The following SGCZ variants were observed in gnomAD, a reference collection of about 807,000 sequenced individuals.
SGCZ encodes sarcoglycan zeta, also known as zeta-sarcoglycan.
Under a neutral mutation model 41.3 loss-of-function variants are expected in SGCZ, and 40 were observed. The ratio of observed to expected loss-of-function variants is 0.97; its 90% CI spans 0.75 to 1.26. SGCZ has a LOEUF of 1.26. SGCZ is among the 50% of genes most tolerant of loss of function. SGCZ has a pLI of 0.00. For missense variants in SGCZ, 552 were observed against 369.8 expected, an observed-to-expected ratio of 1.49 and a Z score of -4.04; for synonymous variants, 206 against 137.5, an observed-to-expected ratio of 1.50 and a Z score of -3.49.
chr8:14,102,110 T>TTG (rs1802048559), intron 7 of SGCZ, among the ~76,000 whole-genome samples: 1 of 145,882 alleles, frequency 6.9e-6, no homozygotes, highest in African/African-American at 2.6e-5. Context: ...ATATAATTTT[T>TTG]TTTTTTTTTA....
intron 3 of SGCZ, among the ~76,000 whole-genome samples, chr8:14,283,071 G>C (rs1050993614): frequency 2.0e-5 from 3 of 151,470 alleles, no homozygotes; most frequent in Non-Finnish European, 4.4e-5. Flanking sequence ...GGATGCTCTC[G>C]ATCTCCTGAC....
chr8:14,431,908 G>A (rs188911189), intron 2 of SGCZ, among the ~76,000 whole-genome samples: 13 of 152,022 alleles, frequency 8.6e-5, no homozygotes, highest in Non-Finnish European at 1.6e-4. Context: ...TACACCAATG[G>A]CCAACAAACA....
chr8:14,912,760 G>T (rs907261493), intron 1 of SGCZ, among the ~76,000 whole-genome samples: 1 of 152,080 alleles, frequency 6.6e-6, no homozygotes, highest in African/African-American at 2.4e-5. Flanking sequence ...CCAGAATGCA[G>T]AAGCTTCCAG....
At chr8:14,921,934 A>T (rs1457101709) in intron 1 of SGCZ, among the ~76,000 whole-genome samples, 1 of 152,190 alleles carries the variant, frequency 6.6e-6, no homozygotes, top group Non-Finnish European at 1.5e-5. Flanking sequence ...ACAGTAATCT[A>T]TGAAAACGTG....
chr8:14,494,486 A>C (rs1226402561), intron 2 of SGCZ, among the ~76,000 whole-genome samples: 3 of 152,144 alleles, frequency 2.0e-5, no homozygotes, highest in East Asian at 3.9e-4. Context: ...TAATAAAGTT[A>C]AAGTTGATAA....
intron 1 of SGCZ, among the ~76,000 whole-genome samples, chr8:14,576,839 G>C (rs752456827): frequency 6.6e-6 from 1 of 152,064 alleles, no homozygotes; most frequent in Non-Finnish European, 1.5e-5. Context: ...CCTACTTTTG[G>C]GTTTATAAGA....
intron 1 of SGCZ, among the ~76,000 whole-genome samples, chr8:15,220,539 T>C (rs904323645): frequency 6.6e-6 from 1 of 152,052 alleles, no homozygotes; most frequent in African/African-American, 2.4e-5. Context: ...CGATTTAGAC[T>C]CAACTAGAGT....
intron 1 of SGCZ, among the ~76,000 whole-genome samples, chr8:15,103,181 A>AG (rs1424761930): frequency 6.6e-6 from 1 of 152,114 alleles, no homozygotes; most frequent in Non-Finnish European, 1.5e-5. Context: ...CAGATGCATC[A>AG]GCTGAGGTCA....
chr8:14,792,512 A>T (rs1282941254), intron 1 of SGCZ, among the ~76,000 whole-genome samples: 1 of 152,056 alleles, frequency 6.6e-6, no homozygotes, highest in African/African-American at 2.4e-5. Context: ...AAAATCCAAT[A>T]ATCACTTGTG....
At chr8:14,650,134 T>C (rs1807350659) in intron 1 of SGCZ, among the ~76,000 whole-genome samples, 1 of 152,066 alleles carries the variant, frequency 6.6e-6, no homozygotes, top group Non-Finnish European at 1.5e-5. Flanking sequence ...ACCAGCCATG[T>C]GACTGTTTTT....
intron 3 of SGCZ, among the ~76,000 whole-genome samples, chr8:14,303,735 G>T (rs1454143698): frequency 6.6e-6 from 1 of 151,790 alleles, no homozygotes; most frequent in Admixed American, 6.6e-5. Flanking sequence ...TATATATATA[G>T]ATATCAAAAT....
intron 1 of SGCZ, among the ~76,000 whole-genome samples, chr8:14,624,771 A>G (rs1806399282): frequency 6.6e-6 from 1 of 151,528 alleles, no homozygotes; most frequent in African/African-American, 2.4e-5. Context: ...GGGTTTCACC[A>G]TGTTGGCCAG....
At chr8:14,436,619 C>G (rs928161116) in intron 2 of SGCZ, among the ~76,000 whole-genome samples, 11 of 152,186 alleles carry the variant, frequency 7.2e-5, no homozygotes, top group African/African-American at 2.7e-4. Context: ...GTCCTAGTAG[C>G]CATTACATTC....
At chr8:14,161,741 A>G (rs1804051474) in intron 5 of SGCZ, among the ~76,000 whole-genome samples, 1 of 152,198 alleles carries the variant, frequency 6.6e-6, no homozygotes, top group Non-Finnish European at 1.5e-5. Context: ...ATTGGAAAAT[A>G]TAGATCAATC....
intron 2 of SGCZ, among the ~76,000 whole-genome samples, chr8:14,425,708 A>T (rs1446287742): frequency 6.6e-6 from 1 of 152,166 alleles, no homozygotes; most frequent in African/African-American, 2.4e-5. Flanking sequence ...ATTTAAACTT[A>T]CTTATACAAT....
chr8:15,090,421 G>C (rs1251647576), intron 1 of SGCZ, among the ~76,000 whole-genome samples: 1 of 152,134 alleles, frequency 6.6e-6, no homozygotes, highest in Non-Finnish European at 1.5e-5. Context: ...CAACACCCCT[G>C]GGTGTGGAAG....
At chr8:14,243,553 G>A (rs1395708056) in intron 3 of SGCZ, among the ~76,000 whole-genome samples, 2 of 152,192 alleles carry the variant, frequency 1.3e-5, no homozygotes, top group South Asian at 2.1e-4. Context: ...TTCATAACAT[G>A]TAAGGTTCTT....
At chr8:15,227,123 G>A (rs1404422310) in intron 1 of SGCZ, among the ~76,000 whole-genome samples, 1 of 152,162 alleles carries the variant, frequency 6.6e-6, no homozygotes. Flanking sequence ...GGTGGGAGGT[G>A]CCCATACATA....
chr8:14,750,262 G>A (rs974576819), intron 1 of SGCZ, among the ~76,000 whole-genome samples: 1 of 151,892 alleles, frequency 6.6e-6, no homozygotes, highest in African/African-American at 2.4e-5. Context: ...GACCCAAGCA[G>A]GATTTAACAA....
Sources: allele counts gnomAD v4.1 joint callset (sites outside exome capture counted in the v4.1 genomes callset), GRCh38; gene constraint gnomAD v4.1.1; transcripts MANE v1.5; gene names NCBI Gene and HGNC (gene_info 2026-07-23, HGNC 2026-07-21).